Variants in NUP107 observed in about 807,000 individuals in gnomAD.
NUP107 encodes the protein nucleoporin 107.
In NUP107, 101 loss-of-function variants were observed where a neutral mutation model predicts 141.0. The observed-to-expected ratio is 0.72, with a 90% CI of 0.61 to 0.84. The LOEUF is 0.84. NUP107 is among the 40% of genes least tolerant of loss of function. The pLI, the probability that NUP107 is intolerant of heterozygous loss-of-function variation, is 0.00. For synonymous variants in NUP107, 319 were observed against 363.9 expected, an observed-to-expected ratio of 0.88 and a Z score of 1.41; for missense variants, 941 against 1,102.7, an observed-to-expected ratio of 0.85 and a Z score of 2.08.
At chr12:68,687,689 G>A in intron 1 of NUP107, 1 of 966,094 alleles carries the variant, frequency 1.0e-6, no homozygotes, top group East Asian at 1.1e-4. Context: ...AATAATAAGA[G>A]TACATTATTC....
intron 5 of NUP107, among the ~76,000 whole-genome samples, chr12:68,694,523 C>T (rs1196406636): frequency 1.3e-5 from 2 of 152,144 alleles, no homozygotes; most frequent in Admixed American, 6.5e-5. Flanking sequence ...CATATATCTG[C>T]TTAGGGGTTA....
intron 8 of NUP107, chr12:68,705,551 AAG>A: frequency 5.0e-5 from 13 of 262,104 alleles, no homozygotes; most frequent in South Asian, 1.7e-4. Flanking sequence ...AAAAAAAAAA[AAG>A]AATCACCAAG....
chr12:68,734,087 A>G (rs1464150722), intron 24 of NUP107, among the ~76,000 whole-genome samples: 2 of 152,158 alleles, frequency 1.3e-5, no homozygotes, highest in East Asian at 3.8e-4. Flanking sequence ...CCTGAGCAAC[A>G]CAGTGAGACC....
In NUP107 at chr12:68,690,610, CT is replaced by C. The variant is rs1293254629; in HGVS notation, c.188-20del. The C allele has an allele frequency of 1.2e-6, 2 of 1,614,042 alleles. No homozygotes were observed. The highest frequency in any genetic ancestry group is 4.5e-5 in the East Asian group (2 of 44,884). On this transcript the variant is annotated intron_variant, in intron 3 of 27. Transcript: ENST00000229179. Reference sequence around the variant, plus strand: ...AATGCTCACGCACTTTAGGTTCTTTCTACCAACCTTTTGTTTATAGTTACCC... The same window carrying C: ...AATGCTCACGCACTTTAGGTTCTTTCACCAACCTTTTGTTTATAGTTACCC...
chr12:68,700,760 C>T lies in NUP107; in HGVS notation c.587C>T (p.Thr196Ile). Residue 196 changes from threonine to isoleucine, a missense_variant, in exon 7 of 28, where the codon ACA (threonine) becomes ATA (isoleucine). Transcript: ENST00000229179. ...CTGAGTAAAATAGTGAGTCGAGCAA[C>T]ACCTGGACTTCAAAAATTTTCAAAA... ...NILSKIVSRA[T>I]PGLQKFSKTA... 6.2e-7 allele frequency: 1 copy of T among 1,611,688 alleles called. No individual in the cohort carries two copies. The highest frequency in any genetic ancestry group is 1.3e-5 in the African/African-American group (1 of 74,908).
At position 68,726,539 on chromosome 12, in the gene NUP107, A is replaced by G. The variant is rs1592516106; in HGVS notation, c.1617A>G (p.Arg539=). The part of the protein sequence containing the change: ...DEFSKWLSKS[R]NNLPGHLLRF... ...TTAGCAAATGGCTTTCCAAAAGCAG[A>G]AACAATCTACCTGGACACCTGCTTC... The change falls in exon 19 of 28, where the codon AGA becomes AGG. Residue 539 remains arginine, a synonymous_variant. Transcript: ENST00000229179. 15 of 1,613,974 alleles carry G rather than the reference A, an allele frequency of 9.3e-6. No homozygotes were observed. In the Middle Eastern group the frequency reaches 4.9e-4, roughly 53 times the overall value.
At chr12:68,706,902 A>G (rs1592501750) in intron 8 of NUP107, 8 of 736,676 alleles carry the variant, frequency 1.1e-5, no homozygotes, top group African/African-American at 8.5e-5. Flanking sequence ...AGCTCGGCCT[A>G]TGGGGGCCTC....
intron 18 of NUP107, 66 bp from the exon 19 acceptor site, chr12:68,726,433 G>T: frequency 1.0e-6 from 1 of 994,036 alleles, no homozygotes; most frequent in Admixed American, 1.8e-5. Context: ...AAATGTTCTT[G>T]GTAATGTTTA....
At chr12:68,693,782 T>TA (rs535322315) in intron 5 of NUP107, among the ~76,000 whole-genome samples, 7 of 152,374 alleles carry the variant, frequency 4.6e-5, no homozygotes, top group East Asian at 1.9e-4. Flanking sequence ...AGCAGCCTGT[T>TA]ACGTTATTAG....
At chr12:68,716,139 G>T (rs566157229) in intron 12 of NUP107, among the ~76,000 whole-genome samples, 3 of 150,458 alleles carry the variant, frequency 2.0e-5, no homozygotes, top group African/African-American at 7.3e-5. Context: ...TGATCCTCCC[G>T]CCTTGGCCTT....
Position 68,688,159 on chromosome 12 carries a change from T to C in NUP107, c.9-803T>C, listed in dbSNP as rs59353323. On this transcript the variant is annotated intron_variant, in intron 1 of 27. Transcript: ENST00000229179. ...AAATATCATTTTAGGAAATTTTTACTTCTATAGACCAGAGAGCTATCTGAA... is the reference window on the plus strand; with the variant it reads ...AAATATCATTTTAGGAAATTTTTACCTCTATAGACCAGAGAGCTATCTGAA... Among the ~76,000 whole-genome samples the C allele has an allele frequency of 2.1e-4, 32 of 152,234 alleles. No homozygotes were observed. The East Asian group carries it at 5.0e-3, about 24-fold the overall frequency.
intron 27 of NUP107, 71 bp from the exon 28 acceptor site, chr12:68,742,284 G>A (rs770417475): frequency 3.0e-5 from 29 of 961,312 alleles, no homozygotes; most frequent in Admixed American, 1.2e-4. Context: ...TAATCAGATC[G>A]ATTAGGTAAC....
chr12:68,699,793 T>G (rs1007415273), intron 6 of NUP107, among the ~76,000 whole-genome samples: 1 of 152,222 alleles, frequency 6.6e-6, no homozygotes, highest in Non-Finnish European at 1.5e-5. Context: ...TTCTTTACCC[T>G]GGGTCGTTAA....
intron 19 of NUP107, 107 bp from the exon 20 acceptor site, chr12:68,727,244 G>A (rs1877603168): frequency 6.8e-6 from 4 of 586,216 alleles, no homozygotes; most frequent in Non-Finnish European, 9.2e-6. Flanking sequence ...CTGCTCAGTG[G>A]TAAACATTAC....
intron 19 of NUP107, 126 bp from the exon 20 acceptor site, chr12:68,727,225 G>T: frequency 2.0e-6 from 1 of 499,838 alleles, no homozygotes; most frequent in Non-Finnish European, 3.7e-6. Flanking sequence ...TTAGCTTGGT[G>T]TATAGTTACT....
intron 26 of NUP107, among the ~76,000 whole-genome samples, chr12:68,738,904 T>C (rs1267712218): frequency 5.3e-5 from 8 of 152,236 alleles, no homozygotes; most frequent in Non-Finnish European, 1.0e-4. Flanking sequence ...TGCCTTCTTA[T>C]TGCACTTGGA....
intron 7 of NUP107, among the ~76,000 whole-genome samples, chr12:68,701,193 T>A (rs535417412): frequency 6.6e-6 from 1 of 152,206 alleles, no homozygotes; most frequent in South Asian, 2.1e-4. Context: ...AAGGCGAAGA[T>A]TATACCATGT....
chr12:68,698,593 CATT>C (rs1311547897), intron 6 of NUP107, among the ~76,000 whole-genome samples: 57 of 152,224 alleles, frequency 3.7e-4, no homozygotes, highest in African/African-American at 1.3e-3. Context: ...AGCAGTGAAA[CATT>C]ATTCAATGCT....
intron 11 of NUP107, 147 bp from the exon 12 acceptor site, chr12:68,715,480 C>A: frequency 1.8e-6 from 1 of 541,410 alleles, no homozygotes. Context: ...GGCGACAGAA[C>A]AAGACTCCGT....
Sources: gnomAD v4.1 joint callset for allele counts (sites outside exome capture counted in the v4.1 genomes callset) on GRCh38, gnomAD v4.1.1 for gene constraint, MANE v1.5 for transcripts, NCBI Gene and HGNC (gene_info 2026-07-23, HGNC 2026-07-21) for gene names.